The following THSD4 variants were observed in gnomAD, a reference collection of about 807,000 sequenced individuals.
THSD4 encodes thrombospondin type-1 domain-containing protein 4.
A neutral mutation model predicts 119.0 loss-of-function variants in THSD4; 69 were observed. The ratio of observed to expected loss-of-function variants is 0.58; its 90% CI spans 0.48 to 0.71. The LOEUF is 0.71. Ranked by LOEUF, THSD4 falls within the 30% of genes least tolerant of loss-of-function variation. THSD4 has a pLI of 0.00. For missense variants in THSD4, 1,393 were observed against 1,391.1 expected, an observed-to-expected ratio of 1.00 and a Z score of -0.02; for synonymous variants, 524 against 540.4, an observed-to-expected ratio of 0.97 and a Z score of 0.42.
At chr15:71,247,729 A>G (rs1323336676) in intron 5 of THSD4, among the ~76,000 whole-genome samples, 1 of 152,218 alleles carries the variant, frequency 6.6e-6, no homozygotes, top group African/African-American at 2.4e-5. Flanking sequence ...TGTCTTCAGC[A>G]GTGAAGGGGC....
intron 8 of THSD4, among the ~76,000 whole-genome samples, chr15:71,704,796 A>G (rs2052363061): frequency 6.6e-6 from 1 of 152,248 alleles, no homozygotes; most frequent in Non-Finnish European, 1.5e-5. Context: ...GATGGCAGTG[A>G]AAACAGCAAG....
intron 6 of THSD4, among the ~76,000 whole-genome samples, chr15:71,410,438 C>A (rs965394497): frequency 2.0e-5 from 3 of 152,138 alleles, no homozygotes; most frequent in Admixed American, 2.0e-4. Flanking sequence ...AGTACAAATG[C>A]AGGCCAGCCA....
chr15:71,695,491 T>C (rs2052144964), intron 8 of THSD4, among the ~76,000 whole-genome samples: 1 of 147,102 alleles, frequency 6.8e-6, no homozygotes, highest in South Asian at 2.1e-4. Flanking sequence ...ATAAAATATT[T>C]GTGTGTGTGC....
At chr15:71,307,449 T>C (rs924460868) in intron 6 of THSD4, among the ~76,000 whole-genome samples, 2 of 152,182 alleles carry the variant, frequency 1.3e-5, no homozygotes, top group African/African-American at 4.8e-5. Context: ...TCAGCCTTGA[T>C]GATTTGCTAA....
chr15:71,318,181 G>A (rs2045217556), intron 6 of THSD4, among the ~76,000 whole-genome samples: 1 of 152,094 alleles, frequency 6.6e-6, no homozygotes, highest in South Asian at 2.1e-4. Flanking sequence ...TCCTTCCCAG[G>A]AGGCATGCCA....
intron 7 of THSD4, among the ~76,000 whole-genome samples, chr15:71,577,314 G>A (rs1595898418): frequency 6.6e-6 from 1 of 152,354 alleles, no homozygotes; most frequent in East Asian, 1.9e-4. Flanking sequence ...TTCTGGGGGA[G>A]TTAGAAAAGC....
chr15:71,551,374 G>T (rs1203490400), intron 7 of THSD4, among the ~76,000 whole-genome samples: 3 of 152,100 alleles, frequency 2.0e-5, no homozygotes, highest in South Asian at 4.2e-4. Flanking sequence ...TGCAATAAGG[G>T]TCTCTCATTA....
rs142924256 is a variant in THSD4, at chr15:71,518,564, T to C, written c.1152+106741T>C. 1.4e-3 allele frequency among the ~76,000 whole-genome samples: 217 copies of C among 152,334 alleles called. 1 individual carries two copies. Among genetic ancestry groups the C allele is most frequent in the African/African-American group, 4.4e-3 (184 of 41,568 alleles). On this transcript the variant is annotated intron_variant, in intron 7 of 17. Coordinates refer to ENST00000261862, the MANE Select transcript of THSD4 (RefSeq NM_024817.3). ...GTTATCCTCTGGATAATAATAACTA[T>C]AATGATGTTTTGAGTGCTTGGAATT...
At chr15:71,491,042 A>G (rs142166525) in intron 7 of THSD4, among the ~76,000 whole-genome samples, 52 of 152,280 alleles carry the variant, frequency 3.4e-4, no homozygotes, top group Admixed American at 1.2e-3. Flanking sequence ...GTGTGCATGT[A>G]TGGTATTTTC....
chr15:71,493,943 G>A (rs998352815), intron 7 of THSD4, among the ~76,000 whole-genome samples: 1 of 152,198 alleles, frequency 6.6e-6, no homozygotes, highest in South Asian at 2.1e-4. Flanking sequence ...GTGGCCCCAG[G>A]ACTGGCCTTT....
intron 7 of THSD4, among the ~76,000 whole-genome samples, chr15:71,491,813 G>A (rs1368261804): frequency 3.3e-5 from 5 of 152,152 alleles, no homozygotes; most frequent in Admixed American, 2.0e-4. Flanking sequence ...AGACTTCAGT[G>A]AGCTGTGATT....
chr15:71,441,397 ATTTT>A (rs1215547880), intron 7 of THSD4, among the ~76,000 whole-genome samples: 3 of 73,360 alleles, frequency 4.1e-5, no homozygotes, highest in Admixed American at 2.1e-4. Context: ...CACCTGTAGA[ATTTT>A]TTTTTTTTTT....
intron 3 of THSD4, among the ~76,000 whole-genome samples, chr15:71,178,117 A>G (rs1263373437): frequency 5.6e-5 from 3 of 53,398 alleles, no homozygotes; most frequent in African/African-American, 2.1e-4. Context: ...CCTATTCAAC[A>G]TAGTGTTGGA....
chr15:71,337,013 G>A (rs191128369), intron 6 of THSD4, among the ~76,000 whole-genome samples: 27 of 152,280 alleles, frequency 1.8e-4, no homozygotes, highest in African/African-American at 6.3e-4. Flanking sequence ...AGAGAGAGAG[G>A]GGAGAGGGAG....
At chr15:71,560,036 T>C (rs886902731) in intron 7 of THSD4, among the ~76,000 whole-genome samples, 2 of 152,222 alleles carry the variant, frequency 1.3e-5, no homozygotes, top group African/African-American at 2.4e-5. Context: ...TTGACATGCA[T>C]ACTCAATTAG....
chr15:71,761,161 G>A (rs1338579476), intron 15 of THSD4, among the ~76,000 whole-genome samples: 1 of 151,838 alleles, frequency 6.6e-6, no homozygotes, highest in African/African-American at 2.4e-5. Flanking sequence ...CTTTCAACAT[G>A]CTTGTTATTA....
chr15:71,555,090 T>C (rs1439005428), intron 7 of THSD4, among the ~76,000 whole-genome samples: 1 of 152,176 alleles, frequency 6.6e-6, no homozygotes, highest in Admixed American at 6.5e-5. Flanking sequence ...CTAAAGAATA[T>C]GCTATTTGGG....
At chr15:71,241,735 G>A (rs571277727) in intron 4 of THSD4, among the ~76,000 whole-genome samples, 40 of 151,944 alleles carry the variant, frequency 2.6e-4, no homozygotes, top group Non-Finnish European at 1.9e-4. Context: ...TCCTGCCCAC[G>A]TCCCCCGCCC....
intron 7 of THSD4, among the ~76,000 whole-genome samples, chr15:71,653,288 C>G (rs1476844728): frequency 6.6e-6 from 1 of 152,214 alleles, no homozygotes; most frequent in Admixed American, 6.5e-5. Flanking sequence ...TTATTAGCTT[C>G]TCTGACATTT....
Sources: allele counts gnomAD v4.1 joint callset (sites outside exome capture counted in the v4.1 genomes callset), GRCh38; gene constraint gnomAD v4.1.1; transcripts MANE v1.5; gene names NCBI Gene and HGNC (gene_info 2026-07-23, HGNC 2026-07-21).